The following ELP2 variants were observed in gnomAD, a reference collection of about 807,000 sequenced individuals.
ELP2 encodes the protein elongator acetyltransferase complex subunit 2.
A neutral mutation model predicts 119.2 loss-of-function variants in ELP2; 90 were observed. The ratio of observed to expected loss-of-function variants is 0.75; its 90% CI spans 0.64 to 0.90. The LOEUF is 0.90. Among genes scored for constraint, ELP2 ranks in the 40% least tolerant of loss-of-function variants. The probability of loss-of-function intolerance (pLI) is 0.00; values close to 1 mark genes in which losing one functional copy is unlikely to be tolerated. For synonymous variants in ELP2, 339 were observed against 331.0 expected (o/e 1.02, Z -0.26); for missense variants, 921 against 967.8 (o/e 0.95, Z 0.64).
chr18:36,130,028 T>C lies in ELP2; in HGVS notation c.95T>C (p.Leu32Pro). Residue 32 changes from leucine to proline, a missense_variant, in exon 1 of 22, where the codon CTG (leucine) becomes CCG (proline). Transcript: ENST00000358232. ...TGGAGCTCTGGGCCCAGAGGACTTC[T>C]GGCCTTTGGCACGTCCTGCTCCGTG... ...LNWSSGPRGL[L>P]AFGTSCSVVL... 6.2e-7 allele frequency: 1 copy of C among 1,614,200 alleles called. No homozygotes were observed. Among genetic ancestry groups the C allele is most frequent in the African/African-American group, 1.3e-5 (1 of 75,056 alleles).
At chr18:36,162,229 G>C (rs76972748) in intron 17 of ELP2, among the ~76,000 whole-genome samples, 1,937 of 152,094 alleles carry the variant, frequency 0.013, 33 homozygotes, top group African/African-American at 0.045. Flanking sequence ...TTCCCCTCCT[G>C]CCTCCATCCC....
At chr18:36,170,374 T>G (rs1396705304) in intron 20 of ELP2, among the ~76,000 whole-genome samples, 178 bp downstream of exon 20, 1 of 151,778 alleles carries the variant, frequency 6.6e-6, no homozygotes, top group Non-Finnish European at 1.5e-5. Flanking sequence ...TGCAGTGGCG[T>G]GATCTCTGCT....
In ELP2 at chr18:36,177,813, C is replaced by G. The variant is rs1299940031; in HGVS notation, c.*3172C>G. 1 of 152,120 alleles carries G rather than the reference C, an allele frequency of 6.6e-6. No individual in the cohort carries two copies. The highest frequency in any genetic ancestry group is 6.5e-5 in the Admixed American group (1 of 15,278). 9.4% of individuals were successfully genotyped at this position (152,120 alleles called of 1,614,324 possible). ...TTGCAGGAATTCTAAGAGCATTTAA[C>G]AAATTAATTTACACTGGGAATTTTC... On this transcript the variant is annotated 3_prime_UTR_variant, in exon 22 of 22. Transcript: ENST00000358232.
intron 11 of ELP2, among the ~76,000 whole-genome samples, chr18:36,148,922 A>G (rs1220539733): frequency 6.6e-6 from 1 of 152,220 alleles, no homozygotes; most frequent in Non-Finnish European, 1.5e-5. Flanking sequence ...AGTCCAGTCC[A>G]TCATACTGTA....
intron 3 of ELP2, 40 bp from the exon 4 acceptor site, chr18:36,138,230 C>G (rs752450625): frequency 6.3e-7 from 1 of 1,578,954 alleles, no homozygotes; most frequent in African/African-American, 1.4e-5. Flanking sequence ...TAAAAAAAAT[C>G]CTTTTTTTCA....
chr18:36,141,553 T>A, intron 6 of ELP2: 2 of 253,740 alleles, frequency 7.9e-6, no homozygotes, highest in East Asian at 1.8e-4. Context: ...GAGCTTTACT[T>A]AGATTTTGAG....
intron 11 of ELP2, among the ~76,000 whole-genome samples, chr18:36,151,742 G>GTTTTTTTTTT (rs71166098): frequency 2.7e-5 from 3 of 109,824 alleles, no homozygotes; most frequent in African/African-American, 7.0e-5. Flanking sequence ...GTTCTGTTCT[G>GTTTTTTTTTT]TTTTTTTTTT....
intron 18 of ELP2, among the ~76,000 whole-genome samples, chr18:36,165,437 A>G (rs2090866600): frequency 1.3e-5 from 2 of 152,122 alleles, no homozygotes; most frequent in African/African-American, 2.4e-5. Context: ...ACTCGCATAC[A>G]GTTTGGTTTT....
chr18:36,151,289 C>T (rs1055817725), intron 11 of ELP2, among the ~76,000 whole-genome samples: 10 of 151,720 alleles, frequency 6.6e-5, no homozygotes, highest in Admixed American at 5.9e-4. Context: ...CACCATGTTG[C>T]CCAGGCTGGT....
rs751786739 is a variant in ELP2, at chr18:36,167,051, A to G, written c.1955-50A>G. On this transcript the variant is annotated intron_variant, in intron 18 of 21. Transcript: ENST00000358232. ...CTTAAACATCACTTCCTAACAGGTA[A>G]AAACCCAGCTTTCTCTGCTTTGTGA... is the stretch of plus-strand genomic sequence containing the variant. 1.8e-5 allele frequency: 28 copies of G among 1,551,610 alleles called. No homozygotes were observed. In the African/African-American group the frequency reaches 3.7e-4, roughly 21 times the overall value.
chr18:36,156,476 A>G lies in ELP2; in HGVS notation c.1286A>G (p.His429Arg). 5 of 1,614,146 alleles carry G rather than the reference A, an allele frequency of 3.1e-6. No homozygotes were observed. The highest frequency in any genetic ancestry group is 4.2e-6 in the Non-Finnish European group (5 of 1,179,990). Residue 429 changes from histidine (H) to arginine (R), a missense_variant, in exon 13 of 22, where the codon CAT becomes CGT. Physicochemically the swap from His to Arg is conservative, Grantham distance 29. Coordinates refer to ENST00000358232, the MANE Select transcript of ELP2 (RefSeq NM_018255.4). ...TCCCGTTTTACCCAGGTGACTTGGC[A>G]TGAAATTGCAAGGCCTCAGATACAT... ...KRKDQSQVTW[H>R]EIARPQIHGY...
intron 20 of ELP2, 68 bp from the exon 21 acceptor site, chr18:36,170,979 T>C (rs963375445): frequency 6.1e-6 from 7 of 1,143,970 alleles, no homozygotes; most frequent in Non-Finnish European, 9.2e-6. Flanking sequence ...AGAACTACTT[T>C]AGAGCAATGA....
At chr18:36,168,851 T>C (rs1181113917) in intron 19 of ELP2, among the ~76,000 whole-genome samples, 2 of 151,880 alleles carry the variant, frequency 1.3e-5, no homozygotes, top group Non-Finnish European at 2.9e-5. Flanking sequence ...AGCCTTCTGC[T>C]CAGTATCTTG....
chr18:36,176,795 A>G lies in ELP2; in HGVS notation c.*2154A>G, dbSNP rs541318807. On this transcript the variant is annotated 3_prime_UTR_variant, in exon 22 of 22. Transcript: ENST00000358232. ...TCATAATATCTGAAGCAATCCCCAG[A>G]TACGGGTTAGGCATGGCCCTGCTCT... 1 of 152,314 alleles carries G rather than the reference A, an allele frequency of 6.6e-6. No individual in the cohort carries two copies. The highest frequency in any genetic ancestry group is 2.1e-4 in the South Asian group (1 of 4,824). 9.4% of individuals were successfully genotyped at this position (152,314 alleles called of 1,614,324 possible). A position where few individuals can be genotyped will look rare whatever the true frequency, so the allele number is the denominator to read the frequency against.
Position 36,143,470 on chromosome 18 carries a change from TG to T in ELP2, c.796+506del, listed in dbSNP as rs572623097. 2.5e-3 allele frequency among the ~76,000 whole-genome samples: 347 copies of T among 139,924 alleles called. 1 individual carries two copies. Among genetic ancestry groups the T allele is most frequent in the Non-Finnish European group, 3.9e-3 (262 of 66,402 alleles). The allele number at this position is 139,924 out of a possible 152,430, so 91.8% of individuals were successfully genotyped here. The stretch of plus-strand genomic sequence containing the variant: ...ACTTCTTACCCAGGTTGGAGTGCAG[TG>T]GCATAATCACAGCTCACTGCAGCCT... On this transcript the variant is annotated intron_variant, in intron 8 of 21. Coordinates refer to ENST00000358232, the MANE Select transcript of ELP2 (RefSeq NM_018255.4).
chr18:36,154,662 A>G (rs1166216404), intron 11 of ELP2, among the ~76,000 whole-genome samples, 188 bp from the exon 12 acceptor site: 2 of 152,234 alleles, frequency 1.3e-5, no homozygotes, highest in East Asian at 3.8e-4. Flanking sequence ...TACAACACAT[A>G]TTTGAATGCT....
chr18:36,158,750 C>G (rs981918664), intron 13 of ELP2, 85 bp from the exon 14 acceptor site: 76 of 963,540 alleles, frequency 7.9e-5, no homozygotes, highest in Non-Finnish European at 1.2e-4. Context: ...TTTTGTAGTG[C>G]CTGAAGTAAC....
chr18:36,159,037 C>G, intron 14 of ELP2, 133 bp downstream of exon 14: 1 of 691,600 alleles, frequency 1.4e-6, no homozygotes, highest in Non-Finnish European at 2.6e-6. Context: ...TTTCTATCAC[C>G]TATTTCGTGA....
At position 36,142,973 on chromosome 18, in the gene ELP2, A is replaced by C. The variant is rs1282540608; in HGVS notation, c.796+7A>C. ...TTTACCATAGAAAATGAAAGTGAGT[A>C]ATAATGAAAATATCCAATATAACGA... On this transcript the variant is annotated splice_region_variant and intron_variant, in intron 8 of 21. Coordinates refer to ENST00000358232, the MANE Select transcript of ELP2 (RefSeq NM_018255.4). The C allele has an allele frequency of 6.4e-7, 1 of 1,566,544 alleles. No individual in the cohort carries two copies. The highest frequency in any genetic ancestry group is 8.8e-7 in the Non-Finnish European group (1 of 1,142,242).
Sources: allele counts gnomAD v4.1 joint callset (sites outside exome capture counted in the v4.1 genomes callset), GRCh38; gene constraint gnomAD v4.1.1; transcripts MANE v1.5; gene names NCBI Gene and HGNC (gene_info 2026-07-23, HGNC 2026-07-21).